The following XKR4 variants were observed in gnomAD, a reference collection of about 807,000 sequenced individuals.
XKR4 encodes XK-related protein 4.
Under a neutral mutation model 53.9 loss-of-function variants are expected in XKR4, and 12 were observed. That is an observed-to-expected ratio of 0.22 (90% CI 0.14 to 0.36). The LOEUF is 0.36. Among genes scored for constraint, XKR4 ranks in the 10% least tolerant of loss-of-function variants. XKR4 has a pLI of 1.00. For synonymous variants in XKR4, 354 were observed against 362.4 expected (o/e 0.98, Z 0.26); for missense variants, 799 against 859.5 (o/e 0.93, Z 0.88).
intron 1 of XKR4, among the ~76,000 whole-genome samples, chr8:55,353,364 G>A (rs1803753529): frequency 6.6e-6 from 1 of 152,124 alleles, no homozygotes; most frequent in South Asian, 2.1e-4. Context: ...CACACACACA[G>A]GGAGAATGCC....
chr8:55,202,294 T>G (rs1178698481), intron 1 of XKR4, among the ~76,000 whole-genome samples: 1 of 152,168 alleles, frequency 6.6e-6, no homozygotes, highest in Non-Finnish European at 1.5e-5. Flanking sequence ...TGAAATGATT[T>G]ATGGAACCAG....
At position 55,479,950 on chromosome 8, in the gene XKR4, A is replaced by G. The variant is rs187794242; in HGVS notation, c.1007-43331A>G. On this transcript the variant is annotated intron_variant, in intron 2 of 2. Transcript: ENST00000327381. ...GAAAAGTCCAGGACCAGACGGATTC[A>G]CTGCCGAATTTTACCAGAGGTACAA... Among the ~76,000 whole-genome samples the G allele has an allele frequency of 2.3e-3, 354 of 152,352 alleles. 4 individuals carry two copies. In the Middle Eastern group the frequency reaches 0.027, roughly 12 times the overall value.
chr8:55,453,174 C>A, intron 2 of XKR4: 1 of 506,036 alleles, frequency 2.0e-6, no homozygotes, highest in South Asian at 1.5e-5. Context: ...CGTGCTCCTG[C>A]ACAGAGCTGT....
At chr8:55,178,227 C>A (rs1817258543) in intron 1 of XKR4, among the ~76,000 whole-genome samples, 2 of 152,120 alleles carry the variant, frequency 1.3e-5, no homozygotes, top group South Asian at 4.2e-4. Context: ...AGTGGACAGT[C>A]ATATAGTTTA....
Position 55,523,671 on chromosome 8 carries a change from T to G in XKR4, c.1397T>G (p.Leu466Trp), listed in dbSNP as rs1233410216. 6.2e-7 allele frequency: 1 copy of G among 1,614,192 alleles called. No homozygotes were observed. Among genetic ancestry groups the G allele is most frequent in the Non-Finnish European group, 8.5e-7 (1 of 1,180,028 alleles). ...RLFIYYFVILLENTALSALWY... is the reference protein window; with the variant it reads ...RLFIYYFVILWENTALSALWY... Reference sequence around the variant, plus strand: ...TTCATTTACTATTTTGTGATCCTTTTGGAAAATACAGCCTTGAGTGCCCTC... The same window carrying G: ...TTCATTTACTATTTTGTGATCCTTTGGGAAAATACAGCCTTGAGTGCCCTC... Residue 466 changes from leucine to tryptophan, a missense_variant, in exon 3 of 3, where the codon TTG (leucine) becomes TGG (tryptophan). Coordinates refer to ENST00000327381, the MANE Select transcript of XKR4 (RefSeq NM_052898.2).
At chr8:55,506,940 T>G (rs976804538) in intron 2 of XKR4, among the ~76,000 whole-genome samples, 1 of 152,252 alleles carries the variant, frequency 6.6e-6, no homozygotes, top group African/African-American at 2.4e-5. Context: ...ATTAAATTTT[T>G]TTTTCACTTT....
chr8:55,139,367 C>T lies in XKR4; in HGVS notation c.806+36073C>T, dbSNP rs535787004. The stretch of plus-strand genomic sequence containing the variant: ...TGGCCAACATGGTAAAACCCTATCT[C>T]TACTAAAAATACAAAAATTATCTGG... On this transcript the variant is annotated intron_variant, in intron 1 of 2. Coordinates refer to ENST00000327381, the MANE Select transcript of XKR4 (RefSeq NM_052898.2). 4.6e-5 allele frequency among the ~76,000 whole-genome samples: 7 copies of T among 152,242 alleles called. No homozygotes were observed. In the East Asian group the frequency reaches 1.4e-3, roughly 29 times the overall value.
chr8:55,415,540 A>G (rs952878088), intron 2 of XKR4, among the ~76,000 whole-genome samples: 11 of 152,164 alleles, frequency 7.2e-5, no homozygotes, highest in African/African-American at 2.7e-4. Flanking sequence ...CTTTGGATAG[A>G]GAAAAAAAAA....
chr8:55,359,350 T>C (rs367828777), intron 2 of XKR4, among the ~76,000 whole-genome samples: 4 of 152,268 alleles, frequency 2.6e-5, no homozygotes, highest in Admixed American at 6.5e-5. Flanking sequence ...AATGTAAAGG[T>C]CGCAAGTTAA....
chr8:55,310,051 CTG>C (rs559911859), intron 1 of XKR4, among the ~76,000 whole-genome samples: 3 of 151,266 alleles, frequency 2.0e-5, no homozygotes, highest in Non-Finnish European at 4.4e-5. Context: ...GCATGTGTGT[CTG>C]TGTGTGTGTG....
chr8:55,292,752 C>T (rs1464659516), intron 1 of XKR4, among the ~76,000 whole-genome samples: 1 of 152,038 alleles, frequency 6.6e-6, no homozygotes, highest in Non-Finnish European at 1.5e-5. Context: ...CTCTTCTTTT[C>T]TAATGTGAGT....
intron 1 of XKR4, among the ~76,000 whole-genome samples, chr8:55,132,255 A>G (rs1816565977): frequency 6.6e-6 from 1 of 152,232 alleles, no homozygotes; most frequent in African/African-American, 2.4e-5. Flanking sequence ...AAGAGAAGTT[A>G]AGGGGCCTGC....
chr8:55,339,119 C>T (rs1803505680), intron 1 of XKR4, among the ~76,000 whole-genome samples: 1 of 152,116 alleles, frequency 6.6e-6, no homozygotes, highest in Admixed American at 6.6e-5. Context: ...GCAATTTAGG[C>T]ATGAGTAACT....
chr8:55,481,836 C>G (rs201562817), intron 2 of XKR4, among the ~76,000 whole-genome samples: 51,777 of 151,466 alleles, frequency 0.34, 10,719 homozygotes, highest in African/African-American at 0.6. Flanking sequence ...CAAATCAAAA[C>G]CACAATGAGA....
intron 1 of XKR4, among the ~76,000 whole-genome samples, chr8:55,197,909 A>T (rs34787478): frequency 0.16 from 24,380 of 152,192 alleles, 2,473 homozygotes; most frequent in Non-Finnish European, 0.22. Flanking sequence ...ACAGTAAAAA[A>T]TTTTCACTGA....
chr8:55,355,800 C>T (rs1018922061), intron 1 of XKR4, among the ~76,000 whole-genome samples: 9 of 152,196 alleles, frequency 5.9e-5, no homozygotes, highest in African/African-American at 1.9e-4. Context: ...CCTAAGCTTT[C>T]GGTGAAAAGC....
At chr8:55,409,912 C>T (rs908725907) in intron 2 of XKR4, among the ~76,000 whole-genome samples, 3 of 152,170 alleles carry the variant, frequency 2.0e-5, no homozygotes, top group Admixed American at 2.0e-4. Context: ...AATACTTTTG[C>T]TGTAGCAGCC....
chr8:55,294,176 T>A (rs1291800473), intron 1 of XKR4, among the ~76,000 whole-genome samples: 1 of 152,182 alleles, frequency 6.6e-6, no homozygotes, highest in East Asian at 1.9e-4. Flanking sequence ...GATTTGTTCA[T>A]TTCTGTTAGT....
chr8:55,128,029 C>T (rs905389542), intron 1 of XKR4, among the ~76,000 whole-genome samples: 12 of 152,068 alleles, frequency 7.9e-5, no homozygotes, highest in Admixed American at 2.0e-4. Context: ...TGAATAGTCT[C>T]GCAATACACA....
Sources: allele counts gnomAD v4.1 joint callset (sites outside exome capture counted in the v4.1 genomes callset), GRCh38; gene constraint gnomAD v4.1.1; transcripts MANE v1.5; gene names NCBI Gene and HGNC (gene_info 2026-07-23, HGNC 2026-07-21).